Variants in TXNL1 observed in about 807,000 individuals in gnomAD.
TXNL1 encodes thioredoxin-like protein 1.
A neutral mutation model predicts 35.5 loss-of-function variants in TXNL1; 14 were observed. The observed-to-expected ratio is 0.39, with a 90% CI of 0.26 to 0.62. The LOEUF (loss-of-function observed/expected upper bound fraction) is 0.62, where lower values mean the gene tolerates loss of function less well. Ranked by LOEUF, TXNL1 falls within the 20% of genes least tolerant of loss-of-function variation. The probability of loss-of-function intolerance (pLI) is 0.47; values close to 1 mark genes in which losing one functional copy is unlikely to be tolerated. For synonymous variants in TXNL1, 110 were observed against 115.5 expected (o/e 0.95, Z 0.31); for missense variants, 263 against 349.7 (o/e 0.75, Z 1.98).
chr18:56,624,191 GAGAT>G (rs2024237901), intron 3 of TXNL1, 93 bp downstream of exon 3: 7 of 1,314,120 alleles, frequency 5.3e-6, no homozygotes, highest in South Asian at 5.0e-5. Flanking sequence ...AAACCAGTAA[GAGAT>G]AGAAGATGGA....
In TXNL1 at chr18:56,624,514, A is replaced by G; in HGVS notation, c.196-53T>C. 6 of 1,544,152 alleles carry G rather than the reference A, an allele frequency of 3.9e-6. No homozygotes were observed. In the South Asian group the frequency reaches 6.0e-5, roughly 15 times the overall value. On this transcript the variant is annotated intron_variant, in intron 2 of 7. Transcript: ENST00000217515. ...TGAATTAAATCTTAAACCACTTTGA[A>G]TATTCATTCTACACCTTTATGGAAG...
chr18:56,617,552 C>T (rs1485508570), intron 4 of TXNL1, among the ~76,000 whole-genome samples: 3 of 152,160 alleles, frequency 2.0e-5, no homozygotes, highest in Admixed American at 6.6e-5. Flanking sequence ...GGTGGTAACA[C>T]CCAACTTACT....
chr18:56,637,988 C>A (rs956041846), intron 1 of TXNL1, among the ~76,000 whole-genome samples: 3 of 152,168 alleles, frequency 2.0e-5, no homozygotes, highest in Non-Finnish European at 2.9e-5. Flanking sequence ...GCTGGCTCTG[C>A]AGAAAGAAGG....
chr18:56,619,681 T>A (rs144360710), intron 3 of TXNL1, among the ~76,000 whole-genome samples: 58 of 151,940 alleles, frequency 3.8e-4, no homozygotes, highest in Admixed American at 7.9e-4. Flanking sequence ...CCCATCTCTG[T>A]ATACTTTATT....
In TXNL1 at chr18:56,635,304, G is replaced by A. The variant is rs535180748; in HGVS notation, c.98+3039C>T. ...AGCAAGCAAGTAAGCAGGGATCCCC[G>A]CATAGCAATGTCCCCTAGCAGCATT... is the stretch of plus-strand genomic sequence containing the variant. On this transcript the variant is annotated intron_variant, in intron 1 of 7. Coordinates refer to ENST00000217515, the MANE Select transcript of TXNL1 (RefSeq NM_004786.3). Among the ~76,000 whole-genome samples the A allele has an allele frequency of 1.1e-4, 16 of 152,064 alleles. 1 individual carries two copies. The highest frequency in any genetic ancestry group is 3.4e-4 in the African/African-American group (14 of 41,488).
In TXNL1 at chr18:56,601,631, C is replaced by G. The variant is rs890800096; in HGVS notation, c.*1396G>C. The G allele has an allele frequency of 6.6e-5, 10 of 152,138 alleles. No homozygotes were observed. The highest frequency in any genetic ancestry group is 2.4e-4 in the African/African-American group (10 of 41,432). 9.4% of individuals were successfully genotyped at this position (152,138 alleles called of 1,614,324 possible). A position where few individuals can be genotyped will look rare whatever the true frequency, so the allele number is the denominator to read the frequency against. On this transcript the variant is annotated 3_prime_UTR_variant, in exon 8 of 8. Transcript: ENST00000217515. ...CTTGGGTTTCAGAAAGGGACTCTTT[C>G]AACACTAAAACTTCTGTAGAATTTT...
intron 3 of TXNL1, among the ~76,000 whole-genome samples, chr18:56,623,367 G>A (rs1382059180): frequency 2.0e-5 from 3 of 150,912 alleles, no homozygotes; most frequent in Non-Finnish European, 1.5e-5. Flanking sequence ...GGTGGAGGTT[G>A]CAGTGAGCTG....
intron 3 of TXNL1, 70 bp from the exon 4 acceptor site, chr18:56,618,196 T>C (rs1375820786): frequency 6.1e-6 from 9 of 1,485,560 alleles, no homozygotes; most frequent in Non-Finnish European, 7.3e-6. Flanking sequence ...AAAATTTAAA[T>C]CTCTGATTCT....
At chr18:56,604,229 A>G (rs1454364168) in intron 7 of TXNL1, among the ~76,000 whole-genome samples, 1 of 151,556 alleles carries the variant, frequency 6.6e-6, no homozygotes, top group African/African-American at 2.4e-5. Flanking sequence ...TAAGAAATTC[A>G]GGTTTTAAGA....
chr18:56,624,528 C>A, intron 2 of TXNL1, 67 bp from the exon 3 acceptor site: 2 of 1,485,210 alleles, frequency 1.3e-6, no homozygotes, highest in Non-Finnish European at 1.8e-6. Context: ...TCATTCTACA[C>A]CTTTATGGAA....
In TXNL1 at chr18:56,638,386, C is replaced by A; in HGVS notation, c.55G>T (p.Gly19Cys). ...SDPDFQPELS[G>C]AGSRLAVVKF... Reference sequence around the variant, plus strand: ...ACCACGGCGAGTCTGGAGCCCGCGCCGCTCAGCTCTGGCTGGAAATCCGGG... The same window carrying A: ...ACCACGGCGAGTCTGGAGCCCGCGCAGCTCAGCTCTGGCTGGAAATCCGGG... The change falls in exon 1 of 8, where the codon GGC (glycine) becomes TGC (cysteine). Residue 19 changes from glycine to cysteine, a missense_variant. By Grantham distance (159) the Gly-to-Cys change is radical. Transcript: ENST00000217515. 2.5e-6 allele frequency: 4 copies of A among 1,613,688 alleles called. No homozygotes were observed. Among genetic ancestry groups the A allele is most frequent in the Non-Finnish European group, 3.4e-6 (4 of 1,179,776 alleles).
intron 7 of TXNL1, among the ~76,000 whole-genome samples, chr18:56,604,922 G>T (rs573009654): frequency 2.0e-5 from 3 of 151,838 alleles, no homozygotes; most frequent in Admixed American, 2.0e-4. Flanking sequence ...GTTTAGAATG[G>T]ATTAAAACTA....
intron 6 of TXNL1, among the ~76,000 whole-genome samples, chr18:56,612,453 C>A (rs1598914315): frequency 6.6e-6 from 1 of 152,038 alleles, no homozygotes; most frequent in African/African-American, 2.4e-5. Flanking sequence ...AAGTTTTACT[C>A]ATTGATCCTT....
At chr18:56,611,264 C>CT (rs1457874365) in intron 6 of TXNL1, among the ~76,000 whole-genome samples, 167 bp from the exon 7 acceptor site, 2 of 152,030 alleles carry the variant, frequency 1.3e-5, no homozygotes, top group African/African-American at 4.8e-5. Context: ...CTTTGGGAGG[C>CT]TGAGGTGGGC....
chr18:56,614,805 C>T (rs1306390894), intron 5 of TXNL1, among the ~76,000 whole-genome samples: 1 of 152,020 alleles, frequency 6.6e-6, no homozygotes, highest in African/African-American at 2.4e-5. Flanking sequence ...CCTTCTTGGC[C>T]GAGCTAACAC....
chr18:56,610,840 A>G, intron 7 of TXNL1, 153 bp downstream of exon 7: 1 of 493,462 alleles, frequency 2.0e-6, no homozygotes, highest in Non-Finnish European at 3.5e-6. Context: ...TAGTTAGGGG[A>G]ACTTTCTATC....
At chr18:56,622,632 A>T (rs182983204) in intron 3 of TXNL1, among the ~76,000 whole-genome samples, 48 of 152,204 alleles carry the variant, frequency 3.2e-4, no homozygotes, top group Non-Finnish European at 6.2e-4. Context: ...TTAAAACTTC[A>T]TTTTTTCCTA....
Position 56,626,981 on chromosome 18 carries a change from T to A in TXNL1, c.99-524A>T, listed in dbSNP as rs942481547. On this transcript the variant is annotated intron_variant, in intron 1 of 7. Transcript: ENST00000217515. ...CACCACACCCAGCTACCAAGCTACA[T>A]TTTTTTTTTTTTTGAGAAGCAGGGT... is the stretch of plus-strand genomic sequence containing the variant. Among the ~76,000 whole-genome samples the A allele has an allele frequency of 2.4e-4, 28 of 117,480 alleles. 1 individual carries two copies. The allele number at this position is 117,480 out of a possible 152,430, so 77.1% of individuals were successfully genotyped here. A position where few individuals can be genotyped will look rare whatever the true frequency, so the allele number is the denominator to read the frequency against.
At chr18:56,603,912 A>T (rs1442701876) in intron 7 of TXNL1, among the ~76,000 whole-genome samples, 3 of 152,152 alleles carry the variant, frequency 2.0e-5, no homozygotes, top group Non-Finnish European at 4.4e-5. Flanking sequence ...TATATATTTA[A>T]TTTTCGTATT....
Sources: allele counts gnomAD v4.1 joint callset (sites outside exome capture counted in the v4.1 genomes callset), GRCh38; gene constraint gnomAD v4.1.1; transcripts MANE v1.5; gene names NCBI Gene and HGNC (gene_info 2026-07-23, HGNC 2026-07-21).